The following PATJ variants were observed in gnomAD, a reference collection of about 807,000 sequenced individuals.
The protein encoded by PATJ is PATJ crumbs cell polarity complex component, also known as inaD-like protein.
In PATJ, 190 loss-of-function variants were observed where a neutral mutation model predicts 224.9. That is an observed-to-expected ratio of 0.84 (90% CI 0.75 to 0.95). PATJ has a LOEUF of 0.95. Ranked by LOEUF, PATJ falls within the 40% of genes least tolerant of loss-of-function variation. The pLI is 0.00. For synonymous variants in PATJ, 769 were observed against 820.3 expected, an observed-to-expected ratio of 0.94 and a Z score of 1.07; for missense variants, 2,121 against 2,270.3, an observed-to-expected ratio of 0.93 and a Z score of 1.34.
chr1:61,751,777 G>C (rs923481713), intron 1 of PATJ, among the ~76,000 whole-genome samples: 1 of 151,892 alleles, frequency 6.6e-6, no homozygotes, highest in Non-Finnish European at 1.5e-5. Context: ...AGTGAGCCAA[G>C]ACCGCACCAC....
At position 62,154,477 on chromosome 1, in the gene PATJ, A is replaced by G. The variant is rs112751714; in HGVS notation, c.5502+996A>G. ...TGAGTGCAAGACCAGCCTGGTCAAC[A>G]TGGCAAAACCCGTCTTTACTAAAAA... On this transcript the variant is annotated intron_variant, in intron 43 of 43. Coordinates refer to ENST00000642238, the MANE Select transcript of PATJ (RefSeq NM_001350145.3). Among the ~76,000 whole-genome samples the G allele has an allele frequency of 5.9e-3, 896 of 152,056 alleles. 3 individuals are homozygous for G. Among genetic ancestry groups the G allele is most frequent in the Middle Eastern group, 0.021 (6 of 292 alleles).
At chr1:62,088,757 G>A (rs773394605) in intron 33 of PATJ, among the ~76,000 whole-genome samples, 3 of 150,764 alleles carry the variant, frequency 2.0e-5, no homozygotes, top group Non-Finnish European at 2.9e-5. Flanking sequence ...TTCCTGACTT[G>A]TTGAGTTATG....
chr1:61,988,662 C>T (rs899029381), intron 27 of PATJ, among the ~76,000 whole-genome samples: 3 of 152,014 alleles, frequency 2.0e-5, no homozygotes, highest in Non-Finnish European at 2.9e-5. Flanking sequence ...CTTGTAAAGC[C>T]GATTTATTTT....
At position 61,901,270 on chromosome 1, in the gene PATJ, T is replaced by C. The variant is rs1260513436; in HGVS notation, c.3204-12T>C. 7.4e-6 allele frequency: 11 copies of C among 1,485,920 alleles called. No individual in the cohort carries two copies. Among genetic ancestry groups the C allele is most frequent in the East Asian group, 2.7e-5 (1 of 37,594 alleles). The allele number at this position is 1,485,920 out of a possible 1,614,324, so 92.0% of individuals were successfully genotyped here. ...TGTTGATGAGTGAGTTTTGTTTTTT[T>C]CCTTTATATAGTGTTGAGATTTTTA... On this transcript the variant is annotated splice_polypyrimidine_tract_variant and intron_variant, in intron 23 of 43. Transcript: ENST00000642238.
intron 28 of PATJ, among the ~76,000 whole-genome samples, chr1:61,994,768 G>A (rs1645261161): frequency 6.6e-6 from 1 of 152,006 alleles, no homozygotes; most frequent in South Asian, 2.1e-4. Context: ...TGGTCAGGCT[G>A]GTCTTAAACT....
chr1:61,849,018 C>A (rs887415161), intron 17 of PATJ, among the ~76,000 whole-genome samples: 2 of 152,194 alleles, frequency 1.3e-5, no homozygotes, highest in Non-Finnish European at 2.9e-5. Context: ...ATCTTTGAAA[C>A]ATACTTTCTC....
At chr1:62,104,283 G>A (rs1227611117) in intron 33 of PATJ, among the ~76,000 whole-genome samples, 3 of 152,146 alleles carry the variant, frequency 2.0e-5, no homozygotes, top group African/African-American at 7.2e-5. Flanking sequence ...ATAAAGGTCA[G>A]TCTTTCATTA....
intron 42 of PATJ, among the ~76,000 whole-genome samples, chr1:62,149,128 CAAAA>C (rs773276557): frequency 1.7e-5 from 1 of 60,436 alleles, no homozygotes; most frequent in Admixed American, 2.0e-4. Flanking sequence ...AACTCCATCT[CAAAA>C]AAAAAAAAAA....
At chr1:61,918,906 C>T (rs1673857868) in intron 26 of PATJ, among the ~76,000 whole-genome samples, 1 of 151,842 alleles carries the variant, frequency 6.6e-6, no homozygotes, top group African/African-American at 2.4e-5. Context: ...CGCAGTGAGC[C>T]ATGGTCACAC....
intron 17 of PATJ, among the ~76,000 whole-genome samples, chr1:61,846,621 G>C (rs1662002121): frequency 6.6e-6 from 1 of 152,044 alleles, no homozygotes. Flanking sequence ...TTTTGAGAGG[G>C]ATTCTCATTC....
Position 62,114,234 on chromosome 1 carries a change from T to C in PATJ, c.4643T>C (p.Ile1548Thr), listed in dbSNP as rs773657946. Residue 1548 changes from isoleucine (I) to threonine (T), a missense_variant, in exon 35 of 44, where the codon ATC (isoleucine) becomes ACC (threonine). Ile to Thr is a moderately conservative substitution (Grantham distance 89). Coordinates refer to ENST00000642238, the MANE Select transcript of PATJ (RefSeq NM_001350145.3). ...GCTGGCCGGGGCCTGGGCCTGAGCA[T>C]CGTTGGGAAACGGTAAAGACGTGCT... is the stretch of plus-strand genomic sequence containing the variant. ...KKAGRGLGLS[I>T]VGKRNGSGVF... The C allele has an allele frequency of 5.6e-6, 9 of 1,613,956 alleles. No individual in the cohort carries two copies. The Admixed American group carries it at 1.0e-4, about 18-fold the overall frequency.
At chr1:61,997,855 C>A (rs1326151042) in intron 28 of PATJ, among the ~76,000 whole-genome samples, 1 of 147,430 alleles carries the variant, frequency 6.8e-6, no homozygotes, top group East Asian at 2.0e-4. Context: ...CTAGCTCTGT[C>A]ACCCAGGCTG....
chr1:62,060,720 A>G (rs1213421657), intron 31 of PATJ, among the ~76,000 whole-genome samples: 1 of 152,134 alleles, frequency 6.6e-6, no homozygotes, highest in Non-Finnish European at 1.5e-5. Context: ...TCTGTTGCCC[A>G]AGCTGGAGTG....
At chr1:61,788,129 G>T (rs1648983372) in intron 8 of PATJ, among the ~76,000 whole-genome samples, 157 bp downstream of exon 8, 2 of 152,028 alleles carry the variant, frequency 1.3e-5, no homozygotes, top group African/African-American at 4.8e-5. Flanking sequence ...CATTAGACAT[G>T]TTGGTTTTCT....
Position 61,783,723 on chromosome 1 carries a change from T to C in PATJ, c.850-4031T>C, listed in dbSNP as rs187055580. Among the ~76,000 whole-genome samples, 9 of 151,178 alleles carry C rather than the reference T, an allele frequency of 6.0e-5. No homozygotes were observed. The East Asian group carries it at 1.7e-3, about 29-fold the overall frequency. On this transcript the variant is annotated intron_variant, in intron 7 of 43. Transcript: ENST00000642238. Reference sequence around the variant, plus strand: ...GTTAAAATGCAAAGTAATGTGAGTTTTTTTTTAGCCCAGAGTTGCTACTTT... The same window carrying C: ...GTTAAAATGCAAAGTAATGTGAGTTCTTTTTTAGCCCAGAGTTGCTACTTT...
At chr1:61,822,214 C>A (rs1657410411) in intron 14 of PATJ, among the ~76,000 whole-genome samples, 1 of 151,906 alleles carries the variant, frequency 6.6e-6, no homozygotes, top group Non-Finnish European at 1.5e-5. Flanking sequence ...GAGGGACAGT[C>A]AAGAGACTAG....
At chr1:61,808,702 G>A (rs11800552) in intron 14 of PATJ, among the ~76,000 whole-genome samples, 172 bp downstream of exon 14, 1,790 of 152,040 alleles carry the variant, frequency 0.012, 43 homozygotes, top group African/African-American at 0.041. Context: ...TTTTTTTATC[G>A]TTTGAAGAAC....
At chr1:61,963,608 A>T (rs998674218) in intron 27 of PATJ, among the ~76,000 whole-genome samples, 2 of 152,178 alleles carry the variant, frequency 1.3e-5, no homozygotes, top group Non-Finnish European at 2.9e-5. Context: ...AAGAAAAAAA[A>T]GTAAACCATC....
rs754235467 is a variant in PATJ at position 61,805,538 on chromosome 1, C to A, written c.1626+14C>A. On this transcript the variant is annotated intron_variant, in intron 13 of 43. Coordinates refer to ENST00000642238, the MANE Select transcript of PATJ (RefSeq NM_001350145.3). ...TATGAAGTAATGGTATGTTAAAATGCTCTAATAAAAAACATTCATGTCTCA... is the reference window on the plus strand; with the variant it reads ...TATGAAGTAATGGTATGTTAAAATGATCTAATAAAAAACATTCATGTCTCA... 1.4e-6 allele frequency: 2 copies of A among 1,467,504 alleles called. No individual in the cohort carries two copies. Among genetic ancestry groups the A allele is most frequent in the Non-Finnish European group, 1.9e-6 (2 of 1,049,304 alleles). The allele number at this position is 1,467,504 out of a possible 1,614,324, so 90.9% of individuals were successfully genotyped here. A position where few individuals can be genotyped will look rare whatever the true frequency, so the allele number is the denominator to read the frequency against.
Sources: allele counts gnomAD v4.1 joint callset (sites outside exome capture counted in the v4.1 genomes callset), GRCh38; gene constraint gnomAD v4.1.1; transcripts MANE v1.5; gene names NCBI Gene and HGNC (gene_info 2026-07-23, HGNC 2026-07-21).